RFX6: variants seen among roughly 807,000 people sequenced by gnomAD.
RFX6 encodes regulatory factor X6, also known as DNA-binding protein RFX6.
Under a neutral mutation model 110.8 loss-of-function variants are expected in RFX6, and 50 were observed. The observed-to-expected ratio is 0.45, with a 90% CI of 0.36 to 0.57. The LOEUF (loss-of-function observed/expected upper bound fraction) is 0.57, where lower values mean the gene tolerates loss of function less well. Ranked by LOEUF, RFX6 falls within the 20% of genes least tolerant of loss-of-function variation. The pLI is 0.00. For synonymous variants in RFX6, 383 were observed against 411.2 expected (o/e 0.93, Z 0.83); for missense variants, 990 against 1,127.0 (o/e 0.88, Z 1.74).
At chr6:116,889,027 A>C (rs1314053714) in intron 4 of RFX6, among the ~76,000 whole-genome samples, 1 of 152,152 alleles carries the variant, frequency 6.6e-6, no homozygotes, top group Non-Finnish European at 1.5e-5. Context: ...GGGAAAGGTT[A>C]TTTTGTTGGC....
At chr6:116,913,268 G>T (rs1169351442) in intron 7 of RFX6, among the ~76,000 whole-genome samples, 2 of 152,050 alleles carry the variant, frequency 1.3e-5, no homozygotes, top group Non-Finnish European at 2.9e-5. Context: ...CCCTATGCTG[G>T]CCAGGCTTGT....
chr6:116,926,197 ACT>A (rs1260021686), intron 16 of RFX6, among the ~76,000 whole-genome samples: 2 of 152,014 alleles, frequency 1.3e-5, no homozygotes, highest in African/African-American at 2.4e-5. Flanking sequence ...AGGCGCCTGT[ACT>A]CTCTCTTGAA....
chr6:116,882,213 T>A (rs1774604376), intron 3 of RFX6, among the ~76,000 whole-genome samples, 154 bp from the exon 4 acceptor site: 1 of 152,164 alleles, frequency 6.6e-6, no homozygotes, highest in Non-Finnish European at 1.5e-5. Flanking sequence ...GTATTGCTTA[T>A]CAATATGTGT....
At chr6:116,892,053 C>T (rs922901851) in intron 4 of RFX6, among the ~76,000 whole-genome samples, 12 of 152,150 alleles carry the variant, frequency 7.9e-5, no homozygotes, top group Non-Finnish European at 1.6e-4. Flanking sequence ...CCCAGTCTTC[C>T]AGAATCATAA....
chr6:116,922,255 T>C, intron 13 of RFX6, 104 bp downstream of exon 13: 1 of 727,726 alleles, frequency 1.4e-6, no homozygotes, highest in South Asian at 1.5e-5. Context: ...AGGCTGTGTG[T>C]GTAAAGGCTT....
intron 4 of RFX6, among the ~76,000 whole-genome samples, chr6:116,885,264 A>G (rs949049689): frequency 6.6e-6 from 1 of 152,228 alleles, no homozygotes; most frequent in African/African-American, 2.4e-5. Context: ...AAGTGGGTAT[A>G]CAATATCTTA....
chr6:116,931,537 T>C lies in RFX6; in HGVS notation c.*31T>C. ...CAATGTGGGAGGGGGTGCTAAAACT[T>C]TAAAAAAAATCTCTACTGTGCAAAT... is the stretch of plus-strand genomic sequence containing the variant. On this transcript the variant is annotated 3_prime_UTR_variant, in exon 19 of 19. Coordinates refer to ENST00000332958, the MANE Select transcript of RFX6 (RefSeq NM_173560.4). The C allele has an allele frequency of 6.6e-7, 1 of 1,526,640 alleles. No individual in the cohort carries two copies. The highest frequency in any genetic ancestry group is 9.0e-7 in the Non-Finnish European group (1 of 1,107,524). The allele number at this position is 1,526,640 out of a possible 1,614,324, so 94.6% of individuals were successfully genotyped here.
intron 16 of RFX6, 147 bp from the exon 17 acceptor site, chr6:116,926,880 G>C (rs1031022848): frequency 1.4e-6 from 1 of 717,142 alleles, no homozygotes; most frequent in Non-Finnish European, 2.4e-6. Flanking sequence ...TGGATTTTTG[G>C]TGCTTTTCAG....
chr6:116,908,774 C>T (rs529544036), intron 6 of RFX6, among the ~76,000 whole-genome samples: 1 of 151,454 alleles, frequency 6.6e-6, no homozygotes, highest in South Asian at 2.1e-4. Context: ...CAAACTTTTT[C>T]CTGCATCAGT....
chr6:116,913,248 G>C (rs946543245), intron 7 of RFX6, among the ~76,000 whole-genome samples: 5 of 152,112 alleles, frequency 3.3e-5, no homozygotes, highest in Admixed American at 6.5e-5. Flanking sequence ...TTTTAGTAGA[G>C]ACGGGATTTC....
In RFX6 at chr6:116,898,611, G is replaced by A. The variant is rs563763129; in HGVS notation, c.672+3404G>A. On this transcript the variant is annotated intron_variant, in intron 6 of 18. Transcript: ENST00000332958. ...AAGAAAGGAAAGTTGAGAGCACAAGGTCACTGAGGAGGTCAGTGTAGAGGA... is the reference window on the plus strand; with the variant it reads ...AAGAAAGGAAAGTTGAGAGCACAAGATCACTGAGGAGGTCAGTGTAGAGGA... 3.3e-5 allele frequency among the ~76,000 whole-genome samples: 5 copies of A among 152,310 alleles called. 1 individual carries two copies. In the South Asian group the frequency reaches 1.0e-3, roughly 32 times the overall value.
chr6:116,884,805 G>A (rs1001681443), intron 4 of RFX6: 1 of 152,034 alleles, frequency 6.6e-6, no homozygotes, highest in Non-Finnish European at 1.5e-5. Context: ...GGGTGACTTC[G>A]GGCAATTTAT....
intron 12 of RFX6, 84 bp downstream of exon 12, chr6:116,920,538 C>A: frequency 8.7e-7 from 1 of 1,144,740 alleles, no homozygotes; most frequent in Non-Finnish European, 1.3e-6. Context: ...GTTGGAGGAG[C>A]CTGTCCAGTG....
At chr6:116,919,999 C>CTAT (rs1204041613) in intron 11 of RFX6, among the ~76,000 whole-genome samples, 1 of 151,994 alleles carries the variant, frequency 6.6e-6, no homozygotes, top group Admixed American at 6.6e-5. Context: ...TTTTCTTTTT[C>CTAT]TATTTTTTAT....
At chr6:116,903,719 ACTTT>A (rs1775128570) in intron 6 of RFX6, among the ~76,000 whole-genome samples, 1 of 151,978 alleles carries the variant, frequency 6.6e-6, no homozygotes, top group Non-Finnish European at 1.5e-5. Context: ...TTTCCCTGTG[ACTTT>A]CTGTTTTCCT....
At chr6:116,897,827 C>T (rs906672172) in intron 6 of RFX6, among the ~76,000 whole-genome samples, 7 of 152,052 alleles carry the variant, frequency 4.6e-5, no homozygotes, top group African/African-American at 1.7e-4. Context: ...TGGGACTTGT[C>T]ATATTTGATG....
At chr6:116,896,699 C>A (rs1267087762) in intron 6 of RFX6, among the ~76,000 whole-genome samples, 1 of 77,072 alleles carries the variant, frequency 1.3e-5, no homozygotes, top group Non-Finnish European at 2.7e-5. Flanking sequence ...CAGTGTGAGA[C>A]CCTATCTCAA....
intron 9 of RFX6, among the ~76,000 whole-genome samples, chr6:116,916,901 A>G (rs1346869819): frequency 1.3e-5 from 2 of 152,142 alleles, no homozygotes; most frequent in African/African-American, 4.8e-5. Context: ...GGTGGCTACA[A>G]GTTCTAAGCT....
rs1562130357 is a variant in RFX6 at position 116,877,878 on chromosome 6, A to G, written c.306A>G (p.Gln102=). The part of the protein sequence containing the change: ...NHDSKTKAAD[Q]YLSQKKTITQ... ...ACAGCAAAACCAAAGCAGCGGATCA[A>G]TACCTGTCTCAGAAGAAAACCATCA... The change falls in exon 2 of 19, where the codon CAA becomes CAG. Residue 102 remains glutamine, a synonymous_variant. Transcript: ENST00000332958. 6 of 1,614,206 alleles carry G rather than the reference A, an allele frequency of 3.7e-6. No homozygotes were observed. Among genetic ancestry groups the G allele is most frequent in the East Asian group, 2.2e-5 (1 of 44,886 alleles).
Sources: gnomAD v4.1 joint callset for allele counts (sites outside exome capture counted in the v4.1 genomes callset) on GRCh38, gnomAD v4.1.1 for gene constraint, MANE v1.5 for transcripts, NCBI Gene and HGNC (gene_info 2026-07-23, HGNC 2026-07-21) for gene names.